AGPAT1: variants seen among roughly 807,000 people sequenced by gnomAD.
The protein encoded by AGPAT1 is 1-acyl-sn-glycerol-3-phosphate acyltransferase alpha.
In AGPAT1, 6 loss-of-function variants were observed where a neutral mutation model predicts 31.2. The ratio of observed to expected loss-of-function variants is 0.19; its 90% CI spans 0.11 to 0.38. AGPAT1 has a LOEUF of 0.38. Among genes scored for constraint, AGPAT1 ranks in the 10% least tolerant of loss-of-function variants. The probability of loss-of-function intolerance (pLI) is 1.00; values close to 1 mark genes in which losing one functional copy is unlikely to be tolerated. For missense variants in AGPAT1, 187 were observed against 377.8 expected, an observed-to-expected ratio of 0.49 and a Z score of 4.19; for synonymous variants, 139 against 154.0, an observed-to-expected ratio of 0.90 and a Z score of 0.72.
rs1265321219 is a variant in AGPAT1 at position 32,174,942 on chromosome 6, A to C, written c.-10+872T>G. ...TGAACTGTGACTGGGAAAACACAGCAAACAGGCCAATTCAGTCAGACATCA... is the reference window on the plus strand; with the variant it reads ...TGAACTGTGACTGGGAAAACACAGCCAACAGGCCAATTCAGTCAGACATCA... On this transcript the variant is annotated intron_variant, in intron 1 of 6. Transcript: ENST00000375107. This position sits in a 1 kb window ranked among gnomAD's most constrained non-coding sequence, Gnocchi z 4.5. Among the ~76,000 whole-genome samples, 1 of 152,222 alleles carries C rather than the reference A, an allele frequency of 6.6e-6. No individual in the cohort carries two copies. The highest frequency in any genetic ancestry group is 2.4e-5 in the African/African-American group (1 of 41,462).
In AGPAT1 at chr6:32,171,138, C is replaced by G. The variant is rs563736860; in HGVS notation, c.201-68G>C. On this transcript the variant is annotated intron_variant, in intron 2 of 6. Transcript: ENST00000375107. The surrounding 1 kb of genome is among the most constrained non-coding windows in gnomAD (Gnocchi z 6.9). ...TCCATCTGCATGCCTCAGCTCCCCC[C>G]ACCTTACTGTCTTTCTGACCACCTT... 8.8e-6 allele frequency: 14 copies of G among 1,590,910 alleles called. No individual in the cohort carries two copies. The highest frequency in any genetic ancestry group is 1.3e-5 in the African/African-American group (1 of 74,630).
chr6:32,170,470 G>A lies in AGPAT1; in HGVS notation c.465C>T (p.Ala155=). 6.2e-7 allele frequency: 1 copy of A among 1,613,136 alleles called. No homozygotes were observed. Among genetic ancestry groups the A allele is most frequent in the Non-Finnish European group, 8.5e-7 (1 of 1,180,042 alleles). The change falls in exon 4 of 7, where the codon GCC becomes GCT. Residue 155 remains alanine, a synonymous_variant. Coordinates refer to ENST00000375107, the MANE Select transcript of AGPAT1 (RefSeq NM_006411.4). This position sits in a 1 kb window ranked among gnomAD's most constrained non-coding sequence, Gnocchi z 7.7. ...GGGCGACCTCAGACATGACACTGAT[G>A]GCATCCCCCGTGCGCTTCCGGTCGA... ...IFIDRKRTGD[A]ISVMSEVAQT...
In AGPAT1 at chr6:32,171,137, C is replaced by T. The variant is rs200331722; in HGVS notation, c.201-67G>A. The T allele has an allele frequency of 5.7e-6, 9 of 1,591,174 alleles. No homozygotes were observed. Among genetic ancestry groups the T allele is most frequent in the Admixed American group, 1.7e-5 (1 of 59,198 alleles). On this transcript the variant is annotated intron_variant, in intron 2 of 6. Transcript: ENST00000375107. This position sits in a 1 kb window ranked among gnomAD's most constrained non-coding sequence, Gnocchi z 6.9. Reference sequence around the variant, plus strand: ...GTCCATCTGCATGCCTCAGCTCCCCCCACCTTACTGTCTTTCTGACCACCT... The same window carrying T: ...GTCCATCTGCATGCCTCAGCTCCCCTCACCTTACTGTCTTTCTGACCACCT...
chr6:32,177,419 G>A (rs1157550082), upstream of AGPAT1: 4 of 264,428 alleles, frequency 1.5e-5, no homozygotes, highest in East Asian at 2.7e-4. Flanking sequence ...CACTCACAAA[G>A]GGGTTGAGCC....
rs903121819 is a variant in AGPAT1, at chr6:32,169,508, C to T, written c.680-60G>A. ...CCCAGGTCTTTGCCCACAGGTGGGG[C>T]CCAGCTTCCGAGTGATACTCTTCCT... is the stretch of plus-strand genomic sequence containing the variant. On this transcript the variant is annotated intron_variant, in intron 6 of 6. Coordinates refer to ENST00000375107, the MANE Select transcript of AGPAT1 (RefSeq NM_006411.4). This position sits in a 1 kb window ranked among gnomAD's most constrained non-coding sequence, Gnocchi z 5.9. The T allele has an allele frequency of 1.1e-5, 18 of 1,581,352 alleles. No individual in the cohort carries two copies. The highest frequency in any genetic ancestry group is 8.4e-5 in the Admixed American group (5 of 59,354).
rs1164341942 is a variant in AGPAT1, at chr6:32,170,493, C to T, written c.442G>A (p.Asp148Asn). The T allele has an allele frequency of 5.6e-6, 9 of 1,613,038 alleles. No homozygotes were observed. Among genetic ancestry groups the T allele is most frequent in the Non-Finnish European group, 7.6e-6 (9 of 1,180,030 alleles). ...ATGGCATCCCCCGTGCGCTTCCGGT[C>T]GATGAAGATGACTCCTGCCAGCCAG... ...ACWLAGVIFI[D>N]RKRTGDAISV... Residue 148 changes from aspartate (D) to asparagine (N), a missense_variant, in exon 4 of 7, where the codon GAC becomes AAC. Transcript: ENST00000375107. This position sits in a 1 kb window ranked among gnomAD's most constrained non-coding sequence, Gnocchi z 7.7.
rs935491594 is a variant in AGPAT1, at chr6:32,172,670, C to CAT, written c.-9-1167_-9-1166dup. 7.2e-5 allele frequency among the ~76,000 whole-genome samples: 11 copies of CAT among 152,006 alleles called. No homozygotes were observed. Among genetic ancestry groups the CAT allele is most frequent in the East Asian group, 3.8e-4 (2 of 5,204 alleles). On this transcript the variant is annotated intron_variant, in intron 1 of 6. Coordinates refer to ENST00000375107, the MANE Select transcript of AGPAT1 (RefSeq NM_006411.4). The surrounding 1 kb of genome is among the most constrained non-coding windows in gnomAD (Gnocchi z 4.3). ...ATTACGCTGACACTGGTATGTATTG[C>CAT]ATATATATATACGAACACAGCACAC...
rs1273904077 is a variant in AGPAT1, at chr6:32,172,782, AACAG to A, written c.-9-1281_-9-1278del. The stretch of plus-strand genomic sequence containing the variant: ...ATTAAAAGTTCGTGTCACTAATGCC[AACAG>A]ACACACAGTCATACAAAGACTAACA... On this transcript the variant is annotated intron_variant, in intron 1 of 6. Transcript: ENST00000375107. The surrounding 1 kb of genome is among the most constrained non-coding windows in gnomAD (Gnocchi z 4.3). Among the ~76,000 whole-genome samples, 1 of 152,244 alleles carries A rather than the reference AACAG, an allele frequency of 6.6e-6. No individual in the cohort carries two copies. Among genetic ancestry groups the A allele is most frequent in the Admixed American group, 6.5e-5 (1 of 15,292 alleles).
At position 32,169,700 on chromosome 6, in the gene AGPAT1, T is replaced by C. The variant is rs1168524134; in HGVS notation, c.680-252A>G. On this transcript the variant is annotated intron_variant, in intron 6 of 6. Coordinates refer to ENST00000375107, the MANE Select transcript of AGPAT1 (RefSeq NM_006411.4). This position sits in a 1 kb window ranked among gnomAD's most constrained non-coding sequence, Gnocchi z 5.9. ...TCTGGGTTTGGCATTTACTGCTGAATGAGTGTTATTCATTACAGCTTTGTG... is the reference window on the plus strand; with the variant it reads ...TCTGGGTTTGGCATTTACTGCTGAACGAGTGTTATTCATTACAGCTTTGTG... 1.3e-5 allele frequency among the ~76,000 whole-genome samples: 2 copies of C among 152,164 alleles called. No individual in the cohort carries two copies. Among genetic ancestry groups the C allele is most frequent in the African/African-American group, 4.8e-5 (2 of 41,422 alleles).
Position 32,173,705 on chromosome 6 carries a change from T to C in AGPAT1, c.-10+2109A>G, listed in dbSNP as rs1214439190. 6.6e-6 allele frequency among the ~76,000 whole-genome samples: 1 copy of C among 152,232 alleles called. No homozygotes were observed. The highest frequency in any genetic ancestry group is 1.5e-5 in the Non-Finnish European group (1 of 68,038). ...AACATGCTGTTCCCTTTGGCTGGAATGCCTGTCTCTTCTCCTGCCTCACAC... is the reference window on the plus strand; with the variant it reads ...AACATGCTGTTCCCTTTGGCTGGAACGCCTGTCTCTTCTCCTGCCTCACAC... On this transcript the variant is annotated intron_variant, in intron 1 of 6. Transcript: ENST00000375107. This position sits in a 1 kb window ranked among gnomAD's most constrained non-coding sequence, Gnocchi z 4.7.
chr6:32,170,217 C>T lies in AGPAT1; in HGVS notation c.554G>A (p.Gly185Asp). 6.2e-7 allele frequency: 1 copy of T among 1,614,108 alleles called. No homozygotes were observed. Among genetic ancestry groups the T allele is most frequent in the Non-Finnish European group, 8.5e-7 (1 of 1,180,002 alleles). ...VFPEGTRNHN[G>D]SMLPFKRGAF... is the part of the protein sequence containing the mutation. ...GCCACGTTTGAAGGGCAGCATGGAG[C>T]CATTGTGGTTTCTCGTTCCCTCAGG... Residue 185 changes from glycine (G) to aspartate (D), a missense_variant, in exon 5 of 7, where the codon GGC becomes GAC. Gly to Asp is a moderately conservative substitution (Grantham distance 94). This residue lies in a region of AGPAT1 where 113 missense variants were observed against 283.1 expected (regional missense o/e 0.40). Transcript: ENST00000375107. This position sits in a 1 kb window ranked among gnomAD's most constrained non-coding sequence, Gnocchi z 7.7.
chr6:32,171,181 T>C lies in AGPAT1; in HGVS notation c.201-111A>G. On this transcript the variant is annotated intron_variant, in intron 2 of 6. Transcript: ENST00000375107. The surrounding 1 kb of genome is among the most constrained non-coding windows in gnomAD (Gnocchi z 6.9). ...ACCACCTTTGCAGTCCTCTCCCCAT[T>C]CCCTGTCTCTGGTCTCTCTCAGTCT... is the stretch of plus-strand genomic sequence containing the variant. The C allele has an allele frequency of 1.9e-6, 3 of 1,591,158 alleles. No homozygotes were observed. Among genetic ancestry groups the C allele is most frequent in the Non-Finnish European group, 2.6e-6 (3 of 1,166,456 alleles).
In AGPAT1 at chr6:32,174,010, C is replaced by T. The variant is rs1785317753; in HGVS notation, c.-10+1804G>A. On this transcript the variant is annotated intron_variant, in intron 1 of 6. Transcript: ENST00000375107. This position sits in a 1 kb window ranked among gnomAD's most constrained non-coding sequence, Gnocchi z 4.5. ...TACAGGTGTGAGCCATCGTGGCTGG[C>T]TAGCAATCTGTATTTCAACAAGCCC... is the stretch of plus-strand genomic sequence containing the variant. Among the ~76,000 whole-genome samples the T allele has an allele frequency of 6.6e-6, 1 of 152,174 alleles. No homozygotes were observed. The highest frequency in any genetic ancestry group is 2.1e-4 in the South Asian group (1 of 4,824).
Position 32,172,266 on chromosome 6 carries a change from C to A in AGPAT1, c.-9-761G>T, listed in dbSNP as rs1009014013. ...GGCGGAGGTTGCAGTGAGCCAAGATCACGCCACTGCACTCTAGCCTGGGCA... is the reference window on the plus strand; with the variant it reads ...GGCGGAGGTTGCAGTGAGCCAAGATAACGCCACTGCACTCTAGCCTGGGCA... On this transcript the variant is annotated intron_variant, in intron 1 of 6. Coordinates refer to ENST00000375107, the MANE Select transcript of AGPAT1 (RefSeq NM_006411.4). This position sits in a 1 kb window ranked among gnomAD's most constrained non-coding sequence, Gnocchi z 4.3. 6.6e-6 allele frequency among the ~76,000 whole-genome samples: 1 copy of A among 151,406 alleles called. No homozygotes were observed. The highest frequency in any genetic ancestry group is 1.5e-5 in the Non-Finnish European group (1 of 67,918).
At position 32,168,269 on chromosome 6, in the gene AGPAT1, C is replaced by G; in HGVS notation, c.*1007G>C. On this transcript the variant is annotated 3_prime_UTR_variant, in exon 7 of 7. Transcript: ENST00000375107. This position sits in a 1 kb window ranked among gnomAD's most constrained non-coding sequence, Gnocchi z 4.5. ...TGTTATCCAGATAATTAATAAAAAC[C>G]AACCACGCAAAACTGGGTCCCACCC... 1 of 382,604 alleles carries G rather than the reference C, an allele frequency of 2.6e-6. No individual in the cohort carries two copies. Among genetic ancestry groups the G allele is most frequent in the South Asian group, 5.2e-5 (1 of 19,186 alleles). The allele number at this position is 382,604 out of a possible 1,614,324, so 23.7% of individuals were successfully genotyped here.
Position 32,175,910 on chromosome 6 carries a change from G to T in AGPAT1, c.-106C>A. 1 of 986,138 alleles carries T rather than the reference G, an allele frequency of 1.0e-6. No individual in the cohort carries two copies. The highest frequency in any genetic ancestry group is 1.2e-6 in the Non-Finnish European group (1 of 830,494). 61.1% of individuals were successfully genotyped at this position (986,138 alleles called of 1,614,324 possible). A position where few individuals can be genotyped will look rare whatever the true frequency, so the allele number is the denominator to read the frequency against. On this transcript the variant is annotated 5_prime_UTR_variant, in exon 1 of 7. Coordinates refer to ENST00000375107, the MANE Select transcript of AGPAT1 (RefSeq NM_006411.4). This position sits in a 1 kb window ranked among gnomAD's most constrained non-coding sequence, Gnocchi z 4.5. ...GCTGTGTCTCTGTCTCTGTCGGGGT[G>T]TCGGTGCCAAGGGGGCGACGGGATT...
chr6:32,169,473 G>C lies in AGPAT1; in HGVS notation c.680-25C>G, dbSNP rs570291070. The C allele has an allele frequency of 6.8e-6, 11 of 1,609,830 alleles. No homozygotes were observed. The East Asian group carries it at 2.5e-4, about 36-fold the overall frequency. The stretch of plus-strand genomic sequence containing the variant: ...CCTGGGGCAAGGGGAGCACCATCAT[G>C]GCCTGTCCACCCAGGTCTTTGCCCA... On this transcript the variant is annotated intron_variant, in intron 6 of 6. Coordinates refer to ENST00000375107, the MANE Select transcript of AGPAT1 (RefSeq NM_006411.4). The surrounding 1 kb of genome is among the most constrained non-coding windows in gnomAD (Gnocchi z 5.9).
upstream of AGPAT1, chr6:32,176,481 T>G: frequency 2.0e-6 from 2 of 985,198 alleles, no homozygotes; most frequent in Non-Finnish European, 2.4e-6. Flanking sequence ...ACCCATTCAA[T>G]TCTAAACATT....
In AGPAT1 at chr6:32,168,340, T is replaced by G. The variant is rs566051573; in HGVS notation, c.*936A>C. The G allele has an allele frequency of 9.4e-6, 2 of 211,972 alleles. No homozygotes were observed. Among genetic ancestry groups the G allele is most frequent in the East Asian group, 2.1e-4 (2 of 9,646 alleles). 13.1% of individuals were successfully genotyped at this position (211,972 alleles called of 1,614,324 possible). A position where few individuals can be genotyped will look rare whatever the true frequency, so the allele number is the denominator to read the frequency against. On this transcript the variant is annotated 3_prime_UTR_variant, in exon 7 of 7. Coordinates refer to ENST00000375107, the MANE Select transcript of AGPAT1 (RefSeq NM_006411.4). This position sits in a 1 kb window ranked among gnomAD's most constrained non-coding sequence, Gnocchi z 4.5. ...ACCTCCCCAGTTGTGGGAACAGGTC[T>G]GGAGTGAGAGGCAGGGAGTGGCTAA...
Sources: gnomAD v4.1 joint callset for allele counts (sites outside exome capture counted in the v4.1 genomes callset) on GRCh38, gnomAD v4.1.1 for gene constraint, gnomAD v4.1.1 regional missense constraint, Gnocchi (gnomAD v3.1) non-coding constraint, MANE v1.5 for transcripts, NCBI Gene and HGNC (gene_info 2026-07-23, HGNC 2026-07-21) for gene names.